TNR: variants seen among roughly 807,000 people sequenced by gnomAD.
The protein encoded by TNR is tenascin R, also known as tenascin-R.
Under a neutral mutation model 150.4 loss-of-function variants are expected in TNR, and 45 were observed. The ratio of observed to expected loss-of-function variants is 0.30; its 90% confidence interval spans 0.24 to 0.38. The LOEUF is 0.38. Ranked by LOEUF, TNR falls within the 10% of genes least tolerant of loss-of-function variation. TNR has a pLI of 1.00. For missense variants in TNR, 1,544 were observed against 1,759.1 expected, an observed-to-expected ratio of 0.88 and a Z score of 2.19; for synonymous variants, 687 against 678.4, an observed-to-expected ratio of 1.01 and a Z score of -0.20.
chr1:175,548,365 CTCTA>C (rs1279044802), intron 1 of TNR, among the ~76,000 whole-genome samples: 1 of 152,068 alleles, frequency 6.6e-6, no homozygotes, highest in East Asian at 1.9e-4. Context: ...CCTGCTGCTA[CTCTA>C]TCTAGTAGCT....
intron 1 of TNR, among the ~76,000 whole-genome samples, chr1:175,687,871 C>T (rs920673561): frequency 2.6e-5 from 4 of 152,080 alleles, no homozygotes; most frequent in Non-Finnish European, 5.9e-5. Flanking sequence ...ACCCTCCCCT[C>T]CCCCAGAATA....
chr1:175,502,341 G>A (rs75175527), intron 2 of TNR, among the ~76,000 whole-genome samples: 1,681 of 152,284 alleles, frequency 0.011, 26 homozygotes, highest in African/African-American at 0.038. Flanking sequence ...CCCCCATGCA[G>A]GGAATATTGG....
chr1:175,622,296 G>A (rs1343909130), intron 1 of TNR, among the ~76,000 whole-genome samples: 1 of 152,182 alleles, frequency 6.6e-6, no homozygotes, highest in African/African-American at 2.4e-5. Flanking sequence ...AGGGAATCAG[G>A]TGTTTGCAGG....
At chr1:175,696,941 GAGCTTTATTA>G (rs1292027624) in intron 1 of TNR, among the ~76,000 whole-genome samples, 1 of 150,640 alleles carries the variant, frequency 6.6e-6, no homozygotes, top group Non-Finnish European at 1.5e-5. Context: ...TTATATCCAA[GAGCTTTATTA>G]AGTCAAACTA....
At chr1:175,687,901 G>A (rs993547213) in intron 1 of TNR, among the ~76,000 whole-genome samples, 5 of 151,382 alleles carry the variant, frequency 3.3e-5, no homozygotes, top group Admixed American at 2.6e-4. Context: ...CTTCCAGCAA[G>A]CTGGGCGTGA....
chr1:175,374,231 C>T (rs1652262009), intron 9 of TNR, among the ~76,000 whole-genome samples: 1 of 152,202 alleles, frequency 6.6e-6, no homozygotes, highest in Non-Finnish European at 1.5e-5. Flanking sequence ...CCCCTGCAGA[C>T]AAGCACGTGG....
intron 1 of TNR, among the ~76,000 whole-genome samples, chr1:175,724,738 C>A (rs1365576072): frequency 6.6e-6 from 1 of 152,170 alleles, no homozygotes; most frequent in Non-Finnish European, 1.5e-5. Context: ...TTAGAAGGTT[C>A]TATGAGAACA....
chr1:175,626,131 C>T (rs546425195), intron 1 of TNR, among the ~76,000 whole-genome samples: 1 of 152,266 alleles, frequency 6.6e-6, no homozygotes, highest in Admixed American at 6.5e-5. Flanking sequence ...CACCCTTCAC[C>T]ATGATTCTGA....
At chr1:175,493,848 C>T (rs1418281819) in intron 2 of TNR, among the ~76,000 whole-genome samples, 2 of 152,152 alleles carry the variant, frequency 1.3e-5, no homozygotes, top group Non-Finnish European at 2.9e-5. Context: ...TTGAAAAAAA[C>T]GCCCACTCCT....
chr1:175,688,449 A>G (rs1468716225), intron 1 of TNR, among the ~76,000 whole-genome samples: 1 of 152,262 alleles, frequency 6.6e-6, no homozygotes, highest in African/African-American at 2.4e-5. Context: ...CAGATGCTAA[A>G]TGAACATTAG....
chr1:175,331,058 T>TTCCTTCCTTCC (rs1553203361), intron 20 of TNR, among the ~76,000 whole-genome samples: 3 of 116,272 alleles, frequency 2.6e-5, no homozygotes, highest in Admixed American at 8.8e-5. Context: ...TCTTTCTTTC[T>TTCCTTCCTTCC]TTCTTTCTTT....
chr1:175,736,017 A>G (rs1283726297), intron 1 of TNR, among the ~76,000 whole-genome samples: 1 of 152,218 alleles, frequency 6.6e-6, no homozygotes, highest in Non-Finnish European at 1.5e-5. Flanking sequence ...GGCCAACCCA[A>G]CCCATTAGCA....
At chr1:175,394,582 C>T (rs556066498) in intron 5 of TNR, among the ~76,000 whole-genome samples, 1 of 152,334 alleles carries the variant, frequency 6.6e-6, no homozygotes, top group South Asian at 2.1e-4. Flanking sequence ...TGGAAGTGTG[C>T]TTGTCCTAAT....
At chr1:175,698,751 C>T (rs1666602772) in intron 1 of TNR, among the ~76,000 whole-genome samples, 3 of 151,870 alleles carry the variant, frequency 2.0e-5, no homozygotes, top group African/African-American at 7.3e-5. Flanking sequence ...AGGGGAATCG[C>T]TTGGACCTGG....
intron 1 of TNR, among the ~76,000 whole-genome samples, chr1:175,643,327 G>A (rs1246965553): frequency 2.0e-5 from 3 of 152,202 alleles, no homozygotes; most frequent in African/African-American, 7.2e-5. Context: ...TGAGTGGGAA[G>A]TGTTTGGAAA....
chr1:175,420,848 AG>A (rs1654719464), intron 2 of TNR, among the ~76,000 whole-genome samples: 1 of 152,204 alleles, frequency 6.6e-6, no homozygotes, highest in African/African-American at 2.4e-5. Context: ...AGAAATTCAC[AG>A]TGTAAAAAGG....
chr1:175,686,525 A>G (rs1242541193), intron 1 of TNR, among the ~76,000 whole-genome samples: 1 of 152,124 alleles, frequency 6.6e-6, no homozygotes, highest in Non-Finnish European at 1.5e-5. Context: ...ATGTGTGCAG[A>G]TTTGTTACAA....
At chr1:175,525,703 G>A (rs1028945286) in intron 2 of TNR, among the ~76,000 whole-genome samples, 3 of 152,168 alleles carry the variant, frequency 2.0e-5, no homozygotes, top group South Asian at 4.1e-4. Flanking sequence ...ATGGTGGGCC[G>A]TCGTTCCCCA....
chr1:175,400,696 G>A (rs74127000), intron 4 of TNR, among the ~76,000 whole-genome samples: 3 of 152,296 alleles, frequency 2.0e-5, no homozygotes, highest in Non-Finnish European at 2.9e-5. Flanking sequence ...AGTATATTTT[G>A]TGGCTCTCAG....
Sources: allele counts gnomAD v4.1 joint callset (sites outside exome capture counted in the v4.1 genomes callset), GRCh38; gene constraint gnomAD v4.1.1; transcripts MANE v1.5; gene names NCBI Gene and HGNC (gene_info 2026-07-23, HGNC 2026-07-21).